The following FASTKD1 variants were observed in gnomAD, a reference collection of about 807,000 sequenced individuals.
FASTKD1 encodes FAST kinase domains 1.
FASTKD1 carries 94 observed loss-of-function variants against 90.9 expected under a neutral mutation model. The ratio of observed to expected loss-of-function variants is 1.03; its 90% CI spans 0.88 to 1.23. FASTKD1 has a LOEUF of 1.23. FASTKD1 is among the 50% of genes most tolerant of loss of function. The pLI, the probability that FASTKD1 is intolerant of heterozygous loss-of-function variation, is 0.00. For synonymous variants in FASTKD1, 319 were observed against 345.8 expected, an observed-to-expected ratio of 0.92 and a Z score of 0.86; for missense variants, 945 against 993.5, an observed-to-expected ratio of 0.95 and a Z score of 0.66.
Position 169,562,050 on chromosome 2 carries a change from ATTAT to A in FASTKD1, c.572+1171_572+1174del, listed in dbSNP as rs1200816450. Among the ~76,000 whole-genome samples the A allele has an allele frequency of 2.2e-3, 281 of 129,738 alleles. 83 individuals carry two copies. Among genetic ancestry groups the A allele is most frequent in the Admixed American group, 3.2e-3 (38 of 11,930 alleles). 85.1% of individuals were successfully genotyped at this position (129,738 alleles called of 152,430 possible). On this transcript the variant is annotated intron_variant, in intron 4 of 14. Coordinates refer to ENST00000453153, the MANE Select transcript of FASTKD1 (RefSeq NM_024622.6). The stretch of plus-strand genomic sequence containing the variant: ...TTATTTATTAATTTATTGTAAATTA[ATTAT>A]TTATTAATTTATTGTAAAATAATTA...
chr2:169,572,067 G>A lies in FASTKD1; in HGVS notation c.-38C>T, dbSNP rs1413467798. 2 of 1,531,804 alleles carry A rather than the reference G, an allele frequency of 1.3e-6. No homozygotes were observed. The highest frequency in any genetic ancestry group is 1.7e-6 in the Non-Finnish European group (2 of 1,143,466). The allele number at this position is 1,531,804 out of a possible 1,614,324, so 94.9% of individuals were successfully genotyped here. ...TTTTCTTAGGTAAACAAAACCATCT[G>A]CAACTAGTCGTCAGGTGCAATAAGC... On this transcript the variant is annotated 5_prime_UTR_variant, in exon 2 of 15. Coordinates refer to ENST00000453153, the MANE Select transcript of FASTKD1 (RefSeq NM_024622.6).
chr2:169,544,395 C>A (rs899026710), intron 9 of FASTKD1, among the ~76,000 whole-genome samples: 1 of 151,964 alleles, frequency 6.6e-6, no homozygotes, highest in African/African-American at 2.4e-5. Context: ...CATGGTGAAA[C>A]CCTGTCTGTA....
intron 2 of FASTKD1, chr2:169,571,082 A>G (rs936139908): frequency 6.6e-6 from 1 of 152,444 alleles, no homozygotes; most frequent in Non-Finnish European, 1.5e-5. Flanking sequence ...CACAGTTAAC[A>G]ATAGTATTAC....
At chr2:169,542,812 A>AT (rs1177049482) in intron 9 of FASTKD1, among the ~76,000 whole-genome samples, 3 of 152,200 alleles carry the variant, frequency 2.0e-5, no homozygotes, top group Non-Finnish European at 4.4e-5. Flanking sequence ...CTTAAGAAAC[A>AT]TTTTTTTACT....
At chr2:169,551,035 G>A (rs184681686) in intron 7 of FASTKD1, among the ~76,000 whole-genome samples, 118 of 152,080 alleles carry the variant, frequency 7.8e-4, no homozygotes, top group Non-Finnish European at 1.3e-3. Context: ...AGATATTTGC[G>A]TATATTTATT....
chr2:169,569,245 C>A lies in FASTKD1; in HGVS notation c.385G>T (p.Gly129Cys). ...TCAACTAGCGGGTCATGGGCCTCAC[C>A]AGCAAACCTTAATAAAAAAGAAAGA... is the stretch of plus-strand genomic sequence containing the variant. ...NVLYVTQQFAGEAHDPLVEAL... is the reference protein window; with the variant it reads ...NVLYVTQQFACEAHDPLVEAL... Residue 129 changes from glycine to cysteine, a missense_variant, in exon 3 of 15, where the codon GGT (glycine) becomes TGT (cysteine). Coordinates refer to ENST00000453153, the MANE Select transcript of FASTKD1 (RefSeq NM_024622.6). 3 of 1,613,932 alleles carry A rather than the reference C, an allele frequency of 1.9e-6. No homozygotes were observed. Among genetic ancestry groups the A allele is most frequent in the Non-Finnish European group, 2.5e-6 (3 of 1,179,940 alleles).
At chr2:169,530,484 A>T (rs1295759221) in intron 14 of FASTKD1, 103 bp downstream of exon 14, 2 of 686,178 alleles carry the variant, frequency 2.9e-6, no homozygotes, top group African/African-American at 3.7e-5. Flanking sequence ...TTTAAAAAAT[A>T]TATTTAAAAA....
intron 9 of FASTKD1, 96 bp downstream of exon 9, chr2:169,544,625 T>C (rs1224433624): frequency 2.8e-6 from 2 of 725,834 alleles, no homozygotes; most frequent in East Asian, 2.7e-5. Context: ...TCATGTCTAT[T>C]ATGGTTACCC....
In FASTKD1 at chr2:169,540,196, AT is replaced by A. The variant is rs761301247; in HGVS notation, c.1817-18del. 3 of 1,526,292 alleles carry A rather than the reference AT, an allele frequency of 2.0e-6. No homozygotes were observed. Among genetic ancestry groups the A allele is most frequent in the East Asian group, 4.5e-5 (2 of 43,966 alleles). The allele number at this position is 1,526,292 out of a possible 1,614,324, so 94.5% of individuals were successfully genotyped here. ...CCAATATACCTAAAAGAAAATTAAG[AT>A]TTTTTTAAAGGTATAGCTGCCTCAC... On this transcript the variant is annotated intron_variant, in intron 9 of 14. Coordinates refer to ENST00000453153, the MANE Select transcript of FASTKD1 (RefSeq NM_024622.6).
intron 12 of FASTKD1, among the ~76,000 whole-genome samples, chr2:169,534,617 G>T (rs935940256): frequency 6.6e-6 from 1 of 151,742 alleles, no homozygotes; most frequent in Admixed American, 6.6e-5. Flanking sequence ...GCGCCACCAC[G>T]CCCAGCTAAT....
At chr2:169,564,047 T>C (rs1679821202) in intron 3 of FASTKD1, among the ~76,000 whole-genome samples, 2 of 152,174 alleles carry the variant, frequency 1.3e-5, no homozygotes, top group African/African-American at 4.8e-5. Context: ...AAAGAACTAA[T>C]GATGTTGTTT....
At chr2:169,569,276 C>T (rs765980548) in intron 2 of FASTKD1, 24 bp from the exon 3 acceptor site, 39 of 1,601,344 alleles carry the variant, frequency 2.4e-5, no homozygotes, top group Non-Finnish European at 3.3e-5. Flanking sequence ...AAAGAATCCT[C>T]CATACATAAT....
At chr2:169,564,016 G>A (rs1023543187) in intron 3 of FASTKD1, among the ~76,000 whole-genome samples, 1 of 152,124 alleles carries the variant, frequency 6.6e-6, no homozygotes, top group African/African-American at 2.4e-5. Flanking sequence ...TTTTGGGTGA[G>A]AGGACTAGAA....
intron 7 of FASTKD1, among the ~76,000 whole-genome samples, chr2:169,552,874 C>G (rs1280688353): frequency 6.6e-6 from 1 of 152,062 alleles, no homozygotes; most frequent in Non-Finnish European, 1.5e-5. Flanking sequence ...TAACAAAAAA[C>G]CACTTGTACC....
intron 10 of FASTKD1, among the ~76,000 whole-genome samples, chr2:169,538,473 T>G (rs1311616056): frequency 3.3e-5 from 5 of 151,792 alleles, no homozygotes; most frequent in African/African-American, 4.8e-5. Flanking sequence ...GGTCGGGAGT[T>G]CAAGACCAGC....
At chr2:169,555,469 T>C (rs982359855) in intron 6 of FASTKD1, among the ~76,000 whole-genome samples, 2 of 152,184 alleles carry the variant, frequency 1.3e-5, no homozygotes, top group Admixed American at 1.3e-4. Context: ...GTGAATGAAA[T>C]AACATTCACT....
chr2:169,546,653 A>G lies in FASTKD1; in HGVS notation c.1266T>C (p.Ala422=), dbSNP rs1393444051. The change falls in exon 8 of 15, where the codon GCT becomes GCC. Residue 422 remains alanine (A), a synonymous_variant. Coordinates refer to ENST00000453153, the MANE Select transcript of FASTKD1 (RefSeq NM_024622.6). ...IPTEVSVLVR[A]ISLLPSPHLD... is the part of the protein sequence containing the mutation. ...AGTGAGGAGAAGGGAGCAGGGAAATAGCACGGACCAGAACAGACACCTCAG... is the reference window on the plus strand; with the variant it reads ...AGTGAGGAGAAGGGAGCAGGGAAATGGCACGGACCAGAACAGACACCTCAG... 6.2e-7 allele frequency: 1 copy of G among 1,614,088 alleles called. No individual in the cohort carries two copies. The highest frequency in any genetic ancestry group is 8.5e-7 in the Non-Finnish European group (1 of 1,180,028).
In FASTKD1 at chr2:169,560,782, G is replaced by C; in HGVS notation, c.576C>G (p.Ser192=). 1 of 1,456,030 alleles carries C rather than the reference G, an allele frequency of 6.9e-7. No individual in the cohort carries two copies. Among genetic ancestry groups the C allele is most frequent in the Non-Finnish European group, 9.1e-7 (1 of 1,102,638 alleles). 90.2% of individuals were successfully genotyped at this position (1,456,030 alleles called of 1,614,324 possible). The change falls in exon 5 of 15, where the codon TCC becomes TCG. Residue 192 remains serine, a synonymous_variant. Coordinates refer to ENST00000453153, the MANE Select transcript of FASTKD1 (RefSeq NM_024622.6). ...RNLETTQDLS[S]LSVLMVNISS... ...ATATGTTGACCATCAAGACAGACAA[G>C]GAACTGAAAAAGAAAAAAGATGCAA...
intron 12 of FASTKD1, among the ~76,000 whole-genome samples, chr2:169,532,521 TA>T (rs201862004): frequency 2.7e-5 from 4 of 145,584 alleles, no homozygotes; most frequent in African/African-American, 5.1e-5. Flanking sequence ...AAGAAAAACC[TA>T]AAAAAAAAAC....
Sources: gnomAD v4.1 joint callset for allele counts (sites outside exome capture counted in the v4.1 genomes callset) on GRCh38, gnomAD v4.1.1 for gene constraint, MANE v1.5 for transcripts, NCBI Gene and HGNC (gene_info 2026-07-23, HGNC 2026-07-21) for gene names.